DHRS7B: variants seen among roughly 807,000 people sequenced by gnomAD.
DHRS7B encodes the protein peroxisomal reductase activating PPAR-gamma.
Under a neutral mutation model 26.4 loss-of-function variants are expected in DHRS7B, and 24 were observed. The ratio of observed to expected loss-of-function variants is 0.91; its 90% confidence interval spans 0.66 to 1.28. The LOEUF is 1.28. Among genes scored for constraint, DHRS7B ranks in the 50% most tolerant of loss-of-function variants. DHRS7B has a pLI of 0.00. For synonymous variants in DHRS7B, 142 were observed against 166.4 expected (o/e 0.85, Z 1.13); for missense variants, 368 against 419.4 (o/e 0.88, Z 1.07).
At chr17:21,157,174 C>T (rs1207379582) in intron 1 of DHRS7B, among the ~76,000 whole-genome samples, 1 of 152,104 alleles carries the variant, frequency 6.6e-6, no homozygotes, top group Non-Finnish European at 1.5e-5. Flanking sequence ...CAATCTCTCC[C>T]AGGAGGTAGA....
rs753117684 is a variant in DHRS7B, at chr17:21,150,116, A to AC, written c.21-21902_21-21901insC. On this transcript the variant is annotated intron_variant, in intron 1 of 6. Transcript: ENST00000395511. The stretch of plus-strand genomic sequence containing the variant: ...GCTCCATCTCTATTTAAAAAAAAAA[A>AC]AAAAAAAAAAAAAAAACTAAGGCAT... Among the ~76,000 whole-genome samples the AC allele has an allele frequency of 8.3e-3, 1,229 of 147,512 alleles. 22 individuals are homozygous for AC. Among genetic ancestry groups the AC allele is most frequent in the Non-Finnish European group, 0.015 (996 of 66,622 alleles).
At chr17:21,153,187 T>C (rs556085855) in intron 1 of DHRS7B, among the ~76,000 whole-genome samples, 3 of 151,950 alleles carry the variant, frequency 2.0e-5, no homozygotes, top group African/African-American at 7.3e-5. Context: ...GTAATGTAAA[T>C]AGAAAGATGA....
chr17:21,175,012 T>C (rs1974342130), intron 2 of DHRS7B, among the ~76,000 whole-genome samples: 1 of 152,204 alleles, frequency 6.6e-6, no homozygotes, highest in African/African-American at 2.4e-5. Context: ...TTTGTTGGGA[T>C]GAGCCAACGA....
intron 1 of DHRS7B, among the ~76,000 whole-genome samples, chr17:21,159,758 T>C (rs1201418495): frequency 6.7e-6 from 1 of 149,356 alleles, no homozygotes; most frequent in Non-Finnish European, 1.5e-5. Flanking sequence ...CCTATAGTCC[T>C]AGCTACTTGG....
In DHRS7B at chr17:21,171,531, C is replaced by T. The variant is rs552886411; in HGVS notation, c.21-487C>T. Reference sequence around the variant, plus strand: ...GTCTAGGGGCTGCTCCACCCAGAAACGTCCGTCCTCTGAGTGTCTGCTCTG... The same window carrying T: ...GTCTAGGGGCTGCTCCACCCAGAAATGTCCGTCCTCTGAGTGTCTGCTCTG... On this transcript the variant is annotated intron_variant, in intron 1 of 6. Coordinates refer to ENST00000395511, the MANE Select transcript of DHRS7B (RefSeq NM_015510.5). The T allele has an allele frequency of 1.8e-3, 480 of 259,818 alleles. 2 individuals are homozygous for T. Among genetic ancestry groups the T allele is most frequent in the South Asian group, 0.015 (355 of 22,992 alleles). The allele number at this position is 259,818 out of a possible 1,614,324, so 16.1% of individuals were successfully genotyped here. A position where few individuals can be genotyped will look rare whatever the true frequency, so the allele number is the denominator to read the frequency against.
chr17:21,160,114 G>A (rs995691830), intron 1 of DHRS7B, among the ~76,000 whole-genome samples: 2 of 152,058 alleles, frequency 1.3e-5, no homozygotes, highest in African/African-American at 2.4e-5. Flanking sequence ...CCAGCATTTT[G>A]GGAGGCCGAG....
chr17:21,141,675 C>T (rs1973518111), intron 1 of DHRS7B, among the ~76,000 whole-genome samples: 1 of 131,924 alleles, frequency 7.6e-6, no homozygotes, highest in Non-Finnish European at 1.6e-5. Context: ...GGAGTTACTA[C>T]TGCCTTCCAT....
At chr17:21,135,986 T>C (rs1973331726) in intron 1 of DHRS7B, among the ~76,000 whole-genome samples, 1 of 152,172 alleles carries the variant, frequency 6.6e-6, no homozygotes, top group Admixed American at 6.5e-5. Context: ...AAGGCTTTAA[T>C]TGCAGTCAGT....
At chr17:21,150,106 A>T (rs1024867642) in intron 1 of DHRS7B, among the ~76,000 whole-genome samples, 15 of 27,528 alleles carry the variant, frequency 5.4e-4, no homozygotes, top group African/African-American at 1.3e-3. Flanking sequence ...ATCTCTATTT[A>T]AAAAAAAAAA....
In DHRS7B at chr17:21,168,607, G is replaced by A. The variant is rs555940446; in HGVS notation, c.21-3411G>A. 14 of 505,148 alleles carry A rather than the reference G, an allele frequency of 2.8e-5. No homozygotes were observed. The African/African-American group carries it at 2.9e-4, about 11-fold the overall frequency. 31.3% of individuals were successfully genotyped at this position (505,148 alleles called of 1,614,324 possible). A position where few individuals can be genotyped will look rare whatever the true frequency, so the allele number is the denominator to read the frequency against. On this transcript the variant is annotated intron_variant, in intron 1 of 6. Transcript: ENST00000395511. ...TGGTCTTGAATTCCCAGGCTGAAGC[G>A]ATCCCCCTACCTCAGCCTCCCAAAG...
intron 1 of DHRS7B, among the ~76,000 whole-genome samples, chr17:21,129,704 CAAAAAAAAAAAAAA>C (rs61077377): frequency 1.3e-5 from 1 of 74,780 alleles, no homozygotes; most frequent in Non-Finnish European, 2.6e-5. Flanking sequence ...GACCCTGACT[CAAAAAAAAAAAAAA>C]AAAAAAGAAA....
At chr17:21,152,137 C>G (rs891132925) in intron 1 of DHRS7B, among the ~76,000 whole-genome samples, 9 of 152,082 alleles carry the variant, frequency 5.9e-5, no homozygotes, top group Non-Finnish European at 1.2e-4. Context: ...TATGAATTAC[C>G]TAGCTTCGGG....
rs967164685 is a variant in DHRS7B at position 21,171,771 on chromosome 17, G to A, written c.21-247G>A. 10 of 620,628 alleles carry A rather than the reference G, an allele frequency of 1.6e-5. No individual in the cohort carries two copies. The African/African-American group carries it at 1.8e-4, about 11-fold the overall frequency. The allele number at this position is 620,628 out of a possible 1,614,324, so 38.4% of individuals were successfully genotyped here. On this transcript the variant is annotated intron_variant, in intron 1 of 6. Transcript: ENST00000395511. ...CTAGGCTGAATGGCAATCTCCGCTT[G>A]TTCCCTGAGGGGCAGCATGAGGCCT...
chr17:21,138,101 TACACACACACAC>T (rs370861401), intron 1 of DHRS7B, among the ~76,000 whole-genome samples: 2 of 86,146 alleles, frequency 2.3e-5, no homozygotes, highest in Non-Finnish European at 2.0e-5. Flanking sequence ...TATATATATA[TACACACACACAC>T]ACACACACAC....
At position 21,190,945 on chromosome 17, in the gene DHRS7B, T is replaced by G. The variant is rs760825417; in HGVS notation, c.773-3T>G. The stretch of plus-strand genomic sequence containing the variant: ...TGTGTTTCTTTTGTTTTATTTATTT[T>G]AGTTATGGACACCACCACAGCCCAG... On this transcript the variant is annotated splice_region_variant and splice_polypyrimidine_tract_variant and intron_variant, in intron 6 of 6. Coordinates refer to ENST00000395511, the MANE Select transcript of DHRS7B (RefSeq NM_015510.5). The G allele has an allele frequency of 6.2e-7, 1 of 1,613,660 alleles. No homozygotes were observed. Among genetic ancestry groups the G allele is most frequent in the Non-Finnish European group, 8.5e-7 (1 of 1,179,936 alleles).
rs1555537215 is a variant in DHRS7B at position 21,150,126 on chromosome 17, A to AAAAAC, written c.21-21888_21-21887insCAAAA. Reference sequence around the variant, plus strand: ...TATTTAAAAAAAAAAAAAAAAAAAAAAAAAAACTAAGGCATAGAGTATCTG... The same window carrying AAAAAC: ...TATTTAAAAAAAAAAAAAAAAAAAAAAAAACAAAAAACTAAGGCATAGAGTATCTG... On this transcript the variant is annotated intron_variant, in intron 1 of 6. Transcript: ENST00000395511. 4.4e-4 allele frequency among the ~76,000 whole-genome samples: 64 copies of AAAAAC among 143,866 alleles called. 1 individual carries two copies. The highest frequency in any genetic ancestry group is 1.4e-3 in the African/African-American group (57 of 40,332). 94.4% of individuals were successfully genotyped at this position (143,866 alleles called of 152,430 possible).
intron 1 of DHRS7B, among the ~76,000 whole-genome samples, chr17:21,145,368 C>G (rs990042013): frequency 1.3e-5 from 2 of 151,726 alleles, no homozygotes; most frequent in Non-Finnish European, 2.9e-5. Context: ...AATTATAGTA[C>G]TTAATGGAGT....
chr17:21,168,860 G>C, intron 1 of DHRS7B: 1 of 985,480 alleles, frequency 1.0e-6, no homozygotes, highest in Non-Finnish European at 1.2e-6. Flanking sequence ...TGTTGTGTCA[G>C]GTGCTCAAGG....
At position 21,176,370 on chromosome 17, in the gene DHRS7B, G is replaced by C. The variant is rs954283363; in HGVS notation, c.200-1863G>C. Among the ~76,000 whole-genome samples the C allele has an allele frequency of 5.3e-5, 8 of 152,036 alleles. No homozygotes were observed. In the South Asian group the frequency reaches 8.3e-4, roughly 16 times the overall value. ...AATCTCAGCATTTTGGGAAGTCATG[G>C]CAGGAAGATCGCTTGAGCCCAGGAA... On this transcript the variant is annotated intron_variant, in intron 2 of 6. Transcript: ENST00000395511.
Sources: gnomAD v4.1 joint callset for allele counts (sites outside exome capture counted in the v4.1 genomes callset) on GRCh38, gnomAD v4.1.1 for gene constraint, MANE v1.5 for transcripts, NCBI Gene and HGNC (gene_info 2026-07-23, HGNC 2026-07-21) for gene names.